Variants in HS3ST3A1 observed in about 807,000 individuals in gnomAD.
HS3ST3A1 encodes heparan sulfate glucosamine 3-O-sulfotransferase 3A1.
Under a neutral mutation model 25.7 loss-of-function variants are expected in HS3ST3A1, and 19 were observed. The observed-to-expected ratio is 0.74, with a 90% CI of 0.52 to 1.08. The LOEUF is 1.08. Among genes scored for constraint, HS3ST3A1 ranks in the 50% least tolerant of loss-of-function variants. The probability of loss-of-function intolerance (pLI) is 0.00; values close to 1 mark genes in which losing one functional copy is unlikely to be tolerated. For missense variants in HS3ST3A1, 459 were observed against 594.3 expected, an observed-to-expected ratio of 0.77 and a Z score of 2.37; for synonymous variants, 226 against 278.6, an observed-to-expected ratio of 0.81 and a Z score of 1.88.
chr17:13,581,091 C>A (rs1361923402), intron 1 of HS3ST3A1, among the ~76,000 whole-genome samples: 4 of 151,992 alleles, frequency 2.6e-5, no homozygotes, highest in Admixed American at 2.6e-4. Context: ...ATGGTATGCT[C>A]AAAGATATTA....
chr17:13,589,681 A>ACG (rs1297100372), intron 1 of HS3ST3A1, among the ~76,000 whole-genome samples: 2 of 152,154 alleles, frequency 1.3e-5, no homozygotes, highest in Non-Finnish European at 2.9e-5. Flanking sequence ...ACACACACAC[A>ACG]CGCACACACA....
At chr17:13,507,945 G>A (rs1163474887) in intron 1 of HS3ST3A1, among the ~76,000 whole-genome samples, 1 of 152,160 alleles carries the variant, frequency 6.6e-6, no homozygotes, top group Non-Finnish European at 1.5e-5. Context: ...TTCTTTTCCT[G>A]CTGTTGTTAT....
At chr17:13,584,631 A>T (rs993814172) in intron 1 of HS3ST3A1, among the ~76,000 whole-genome samples, 2 of 143,654 alleles carry the variant, frequency 1.4e-5, no homozygotes, top group Non-Finnish European at 3.0e-5. Flanking sequence ...TCTCTGATTA[A>T]AAAAACAATT....
At chr17:13,502,935 C>T (rs914784579) in intron 1 of HS3ST3A1, among the ~76,000 whole-genome samples, 4 of 150,370 alleles carry the variant, frequency 2.7e-5, no homozygotes, top group African/African-American at 9.8e-5. Flanking sequence ...AATCCCAGCA[C>T]TTTGGGAGGC....
chr17:13,600,958 C>G lies in HS3ST3A1; in HGVS notation c.172G>C (p.Gly58Arg), dbSNP rs1476573825. Residue 58 changes from glycine (G) to arginine (R), a missense_variant, in exon 1 of 2, where the codon GGC becomes CGC. By Grantham distance (125) the Gly-to-Arg change is moderately radical. Coordinates refer to ENST00000284110, the MANE Select transcript of HS3ST3A1 (RefSeq NM_006042.3). The part of the protein sequence containing the change: ...TLSGPVVGLS[G>R]GGEEAGAPGG... The stretch of plus-strand genomic sequence containing the variant: ...GGGGCCCCCGCCTCCTCGCCGCCGC[C>G]GGACAGCCCCACGACGGGGCCGGAC... 33 of 1,542,172 alleles carry G rather than the reference C, an allele frequency of 2.1e-5. No individual in the cohort carries two copies. The highest frequency in any genetic ancestry group is 2.8e-5 in the Non-Finnish European group (32 of 1,144,454).
At chr17:13,597,255 A>C (rs1275456780) in intron 1 of HS3ST3A1, among the ~76,000 whole-genome samples, 1 of 152,066 alleles carries the variant, frequency 6.6e-6, no homozygotes, top group African/African-American at 2.4e-5. Flanking sequence ...TACTTTATTA[A>C]TAAGTATCTT....
intron 1 of HS3ST3A1, among the ~76,000 whole-genome samples, chr17:13,539,282 A>G (rs147209212): frequency 6.6e-6 from 1 of 152,332 alleles, no homozygotes; most frequent in East Asian, 1.9e-4. Context: ...GCTCAAATCC[A>G]AGTGGAGTGA....
chr17:13,582,318 T>C (rs1908137500), intron 1 of HS3ST3A1, among the ~76,000 whole-genome samples: 1 of 152,222 alleles, frequency 6.6e-6, no homozygotes, highest in African/African-American at 2.4e-5. Flanking sequence ...ATAATAGGCA[T>C]ACATAAAAGT....
At chr17:13,588,689 A>ATT (rs56739289) in intron 1 of HS3ST3A1, among the ~76,000 whole-genome samples, 2,430 of 146,994 alleles carry the variant, frequency 0.017, 63 homozygotes, top group African/African-American at 0.055. Context: ...ATGTAGTTCC[A>ATT]TTTTTTTTTT....
At chr17:13,560,205 G>A (rs8080066) in intron 1 of HS3ST3A1, among the ~76,000 whole-genome samples, 49,612 of 145,934 alleles carry the variant, frequency 0.34, 10,288 homozygotes, top group African/African-American at 0.6. Flanking sequence ...CAGGAGAATC[G>A]CTTGAACCCG....
At chr17:13,499,601 G>A (rs1298340868) in intron 1 of HS3ST3A1, among the ~76,000 whole-genome samples, 2 of 137,328 alleles carry the variant, frequency 1.5e-5, no homozygotes, top group Non-Finnish European at 3.2e-5. Context: ...AAGGGGCTGG[G>A]TATATGGGTG....
chr17:13,585,186 C>CTTTTTT (rs71144977), intron 1 of HS3ST3A1, among the ~76,000 whole-genome samples: 723 of 33,268 alleles, frequency 0.022, 149 homozygotes, highest in African/African-American at 0.028. Flanking sequence ...TTTTTCTGTG[C>CTTTTTT]TTTTTTTTTT....
At chr17:13,544,828 G>A (rs956591641) in intron 1 of HS3ST3A1, among the ~76,000 whole-genome samples, 6 of 152,116 alleles carry the variant, frequency 3.9e-5, no homozygotes, top group Non-Finnish European at 2.9e-5. Flanking sequence ...ACCCTGATTG[G>A]AGATTGTTTA....
Position 13,563,070 on chromosome 17 carries a change from A to C in HS3ST3A1, c.599+37461T>G, listed in dbSNP as rs144515214. On this transcript the variant is annotated intron_variant, in intron 1 of 1. Coordinates refer to ENST00000284110, the MANE Select transcript of HS3ST3A1 (RefSeq NM_006042.3). ...GGTCCACGATAAGTGGGAAAAATAC[A>C]TACCTGTTATCTTGTATGCTGCAAA... is the stretch of plus-strand genomic sequence containing the variant. Among the ~76,000 whole-genome samples, 906 of 151,226 alleles carry C rather than the reference A, an allele frequency of 6.0e-3. 7 individuals are homozygous for C. Among genetic ancestry groups the C allele is most frequent in the South Asian group, 0.03 (142 of 4,712 alleles).
At chr17:13,520,910 A>T (rs1906214297) in intron 1 of HS3ST3A1, among the ~76,000 whole-genome samples, 1 of 152,108 alleles carries the variant, frequency 6.6e-6, no homozygotes, top group South Asian at 2.1e-4. Flanking sequence ...GTGCTTATTC[A>T]TTGGAAAACT....
chr17:13,496,124 A>T lies in HS3ST3A1; in HGVS notation c.*73T>A, dbSNP rs1598404429. On this transcript the variant is annotated 3_prime_UTR_variant, in exon 2 of 2. Coordinates refer to ENST00000284110, the MANE Select transcript of HS3ST3A1 (RefSeq NM_006042.3). The stretch of plus-strand genomic sequence containing the variant: ...AACATATTTTCAGCACAAATATTAA[A>T]CTGTCTCTTCTCTACCGATTGGTAA... 7.1e-7 allele frequency: 1 copy of T among 1,398,748 alleles called. No homozygotes were observed. Among genetic ancestry groups the T allele is most frequent in the East Asian group, 2.6e-5 (1 of 39,190 alleles). 86.6% of individuals were successfully genotyped at this position (1,398,748 alleles called of 1,614,324 possible).
chr17:13,578,230 A>C (rs550236086), intron 1 of HS3ST3A1, among the ~76,000 whole-genome samples: 2 of 152,134 alleles, frequency 1.3e-5, no homozygotes, highest in South Asian at 4.2e-4. Flanking sequence ...ATCTTTTAAA[A>C]AATGCTTAAA....
chr17:13,600,293 G>A (rs907761845), intron 1 of HS3ST3A1, among the ~76,000 whole-genome samples: 3 of 152,238 alleles, frequency 2.0e-5, no homozygotes, highest in African/African-American at 7.2e-5. Context: ...CTATTTGCTG[G>A]CAAGGGATTC....
At chr17:13,580,778 C>T (rs1427083405) in intron 1 of HS3ST3A1, among the ~76,000 whole-genome samples, 1 of 152,158 alleles carries the variant, frequency 6.6e-6, no homozygotes, top group Non-Finnish European at 1.5e-5. Flanking sequence ...ATAATCCCAG[C>T]TACTCGGGAG....
Sources: gnomAD v4.1 joint callset for allele counts (sites outside exome capture counted in the v4.1 genomes callset) on GRCh38, gnomAD v4.1.1 for gene constraint, MANE v1.5 for transcripts, NCBI Gene and HGNC (gene_info 2026-07-23, HGNC 2026-07-21) for gene names.